The following PLD2 variants were observed in gnomAD, a reference collection of about 807,000 sequenced individuals.
PLD2 encodes choline phosphatase 2.
A neutral mutation model predicts 119.8 loss-of-function variants in PLD2; 101 were observed. The ratio of observed to expected loss-of-function variants is 0.84; its 90% CI spans 0.72 to 0.99. The LOEUF is 0.99. Ranked by LOEUF, PLD2 falls within the 50% of genes least tolerant of loss-of-function variation. The pLI is 0.00. For missense variants in PLD2, 1,164 were observed against 1,226.8 expected (o/e 0.95, Z 0.76); for synonymous variants, 494 against 482.8 (o/e 1.02, Z -0.30).
chr17:4,813,602 G>A (rs955857916), intron 10 of PLD2, among the ~76,000 whole-genome samples: 1 of 152,124 alleles, frequency 6.6e-6, no homozygotes, highest in Admixed American at 6.6e-5. Context: ...GCTCATGCCT[G>A]TAATCCCAGC....
intron 23 of PLD2, among the ~76,000 whole-genome samples, chr17:4,820,861 C>T (rs1907603379): frequency 6.6e-6 from 1 of 150,540 alleles, no homozygotes. Flanking sequence ...CAGGCATGAG[C>T]CACCACGCCC....
At chr17:4,816,020 A>G (rs2150675716) in intron 14 of PLD2, 86 bp downstream of exon 14, 2 of 1,011,356 alleles carry the variant, frequency 2.0e-6, no homozygotes, top group Admixed American at 1.9e-5. Context: ...TTACCCCCTC[A>G]GTCATTCCAG....
rs376928267 is a variant in PLD2, at chr17:4,809,129, A to T, written c.413A>T (p.Asp138Val). The T allele has an allele frequency of 1.9e-6, 3 of 1,613,986 alleles. No individual in the cohort carries two copies. The African/African-American group carries it at 4.0e-5, about 22-fold the overall frequency. Residue 138 changes from aspartate to valine, a missense_variant, in exon 5 of 25, where the codon GAT becomes GTT. Asp to Val is a radical substitution (Grantham distance 152, BLOSUM62 -3). Transcript: ENST00000263088. ...RFAVAYSPARDAGNREMPSLP... is the reference protein window; with the variant it reads ...RFAVAYSPARVAGNREMPSLP... ...GCCGTTGCCTATTCTCCAGCCCGAG[A>T]TGCAGGCAACAGAGAGATGCCCTCT...
At position 4,822,899 on chromosome 17, in the gene PLD2, T is replaced by C. The variant is rs749832128; in HGVS notation, c.*35T>C. ...CCGTCAGGGAGAGGTCACCAGCTGC[T>C]GTGCCCCACCACGTCTGGCTCCCTG... On this transcript the variant is annotated 3_prime_UTR_variant, in exon 25 of 25. Coordinates refer to ENST00000263088, the MANE Select transcript of PLD2 (RefSeq NM_002663.5). 4 of 1,223,142 alleles carry C rather than the reference T, an allele frequency of 3.3e-6. No individual in the cohort carries two copies. The highest frequency in any genetic ancestry group is 1.8e-5 in the Admixed American group (1 of 56,072). 75.8% of individuals were successfully genotyped at this position (1,223,142 alleles called of 1,614,324 possible). A position where few individuals can be genotyped will look rare whatever the true frequency, so the allele number is the denominator to read the frequency against.
chr17:4,823,002 T>C lies in PLD2; in HGVS notation c.*138T>C, dbSNP rs1907837642. On this transcript the variant is annotated 3_prime_UTR_variant, in exon 25 of 25. Coordinates refer to ENST00000263088, the MANE Select transcript of PLD2 (RefSeq NM_002663.5). ...GCATTCCTGAAGGGAACTAGAGGTG[T>C]TACAGAGGACCCTTACGTGAGAAAT... 1.7e-6 allele frequency: 1 copy of C among 601,536 alleles called. No individual in the cohort carries two copies. The highest frequency in any genetic ancestry group is 3.0e-6 in the Non-Finnish European group (1 of 337,838). The allele number at this position is 601,536 out of a possible 1,614,324, so 37.3% of individuals were successfully genotyped here.
Position 4,818,008 on chromosome 17 carries a change from C to A in PLD2, c.1822C>A (p.Arg608=). Residue 608 remains arginine (R), a synonymous_variant, in exon 18 of 25, where the codon CGA becomes AGA. Transcript: ENST00000263088. ...GGQCTTVQVL[R]SVDRWSAGTL... Reference sequence around the variant, plus strand: ...CGCATTCACCATTCCCTAGGTCTTGCGATCAGTGGACCGCTGGTCAGCAGG... The same window carrying A: ...CGCATTCACCATTCCCTAGGTCTTGAGATCAGTGGACCGCTGGTCAGCAGG... 1.2e-6 allele frequency: 2 copies of A among 1,609,534 alleles called. No homozygotes were observed. The highest frequency in any genetic ancestry group is 1.7e-6 in the Non-Finnish European group (2 of 1,175,816).
chr17:4,810,898 GCTGCACCGGCATGACAGCTACGCC>G lies in PLD2; in HGVS notation c.959_982del (p.Leu320_Ala327del). ...AGGGCCCAGGCAGAGACTTCCTACA[GCTGCACCGGCATGACAGCTACGCC>G]CCACCCCGGCCTGGGACCTTGGCCC... On this transcript the variant is annotated inframe_deletion, in exon 10 of 25. Transcript: ENST00000263088. 6.2e-7 allele frequency: 1 copy of G among 1,613,798 alleles called. No homozygotes were observed. Among genetic ancestry groups the G allele is most frequent in the Non-Finnish European group, 8.5e-7 (1 of 1,179,958 alleles).
Position 4,819,359 on chromosome 17 carries a change from G to A in PLD2, c.2309-70G>A. 1 of 1,605,766 alleles carries A rather than the reference G, an allele frequency of 6.2e-7. No homozygotes were observed. The stretch of plus-strand genomic sequence containing the variant: ...AGGAATGTTGCAGGCCAGTGCTTTG[G>A]TAGAGGGGATGGGGTACTGGGGAGA... On this transcript the variant is annotated intron_variant, in intron 22 of 24. Transcript: ENST00000263088. The surrounding 1 kb of genome is among the most constrained non-coding windows in gnomAD (Gnocchi z 4.2).
rs757264558 is a variant in PLD2 at position 4,810,905 on chromosome 17, C to A, written c.964C>A (p.Arg322=). Residue 322 remains arginine (R), a synonymous_variant, in exon 10 of 25, where the codon CGG becomes AGG. Transcript: ENST00000263088. Reference sequence around the variant, plus strand: ...AGGCAGAGACTTCCTACAGCTGCACCGGCATGACAGCTACGCCCCACCCCG... The same window carrying A: ...AGGCAGAGACTTCCTACAGCTGCACAGGCATGACAGCTACGCCCCACCCCG... ...GPGRDFLQLH[R]HDSYAPPRPG... is the part of the protein sequence containing the mutation. The A allele has an allele frequency of 1.2e-6, 2 of 1,613,598 alleles. No homozygotes were observed. Among genetic ancestry groups the A allele is most frequent in the Admixed American group, 3.3e-5 (2 of 59,988 alleles).
Position 4,819,680 on chromosome 17 carries a change from C to T in PLD2, c.2462+98C>T. The T allele has an allele frequency of 8.4e-7, 1 of 1,184,962 alleles. No individual in the cohort carries two copies. Among genetic ancestry groups the T allele is most frequent in the Non-Finnish European group, 1.2e-6 (1 of 848,396 alleles). The allele number at this position is 1,184,962 out of a possible 1,614,324, so 73.4% of individuals were successfully genotyped here. On this transcript the variant is annotated intron_variant, in intron 23 of 24. Transcript: ENST00000263088. The surrounding 1 kb of genome is among the most constrained non-coding windows in gnomAD (Gnocchi z 4.2). ...AGCACCGCATAGGTACTCCCGGAGC[C>T]AGAGGTAGAGGCAGTACTAGATTCT...
Position 4,808,340 on chromosome 17 carries a change from A to C in PLD2, c.307A>C (p.Lys103Gln). ...CGACTTTTCCTGGACAACCAAGAAG[A>C]AATACCGTCATTTTCAGGAGCTGCA... ...HGDFSWTTKK[K>Q]YRHFQELHRD... Residue 103 changes from lysine to glutamine, a missense_variant, in exon 4 of 25, where the codon AAA (lysine) becomes CAA (glutamine). Physicochemically the swap from Lys to Gln is moderately conservative, Grantham distance 53. Coordinates refer to ENST00000263088, the MANE Select transcript of PLD2 (RefSeq NM_002663.5). The surrounding 1 kb of genome is among the most constrained non-coding windows in gnomAD (Gnocchi z 4.1). 8.7e-6 allele frequency: 14 copies of C among 1,613,976 alleles called. No individual in the cohort carries two copies. Among genetic ancestry groups the C allele is most frequent in the Non-Finnish European group, 1.2e-5 (14 of 1,179,940 alleles).
intron 24 of PLD2, 130 bp from the exon 25 acceptor site, chr17:4,822,510 G>C: frequency 1.7e-6 from 1 of 603,096 alleles, no homozygotes; most frequent in South Asian, 2.1e-5. Flanking sequence ...AAAAGAGAGA[G>C]AGAGTTAGTG....
Position 4,816,652 on chromosome 17 carries a change from C to T in PLD2, c.1488C>T (p.Thr496=), listed in dbSNP as rs201957862. The T allele has an allele frequency of 3.8e-5, 61 of 1,613,984 alleles. No homozygotes were observed. Among genetic ancestry groups the T allele is most frequent in the Admixed American group, 2.2e-4 (13 of 59,972 alleles). ...PPTPRPDSPA[T]PDLSHNQFFW... is the part of the protein sequence containing the mutation. ...CCCCGCGCCCAGACTCACCAGCCACCCCAGACCTCTCTCACAACCAATTCT... is the reference window on the plus strand; with the variant it reads ...CCCCGCGCCCAGACTCACCAGCCACTCCAGACCTCTCTCACAACCAATTCT... Residue 496 remains threonine, a synonymous_variant, in exon 15 of 25, where the codon ACC becomes ACT. Transcript: ENST00000263088.
chr17:4,809,017 C>T, intron 4 of PLD2, 83 bp from the exon 5 acceptor site: 1 of 1,097,736 alleles, frequency 9.1e-7, no homozygotes, highest in Non-Finnish European at 1.4e-6. Context: ...TTCTTTTCCT[C>T]CGAGCCCCAT....
Position 4,818,295 on chromosome 17 carries a change from A to G in PLD2, c.1921-2A>G. 6.2e-7 allele frequency: 1 copy of G among 1,612,816 alleles called. No homozygotes were observed. The highest frequency in any genetic ancestry group is 8.5e-7 in the Non-Finnish European group (1 of 1,178,858). On this transcript the variant is annotated splice_acceptor_variant, in intron 18 of 24. Transcript: ENST00000263088. LOFTEE classifies it high-confidence loss of function. ...GATGTCTGTCTCTGATTCTTGCCCCAGAATCAGTTCTTCATTAGCTGCTCA... is the reference window on the plus strand; with the variant it reads ...GATGTCTGTCTCTGATTCTTGCCCCGGAATCAGTTCTTCATTAGCTGCTCA...
In PLD2 at chr17:4,815,593, C is replaced by G; in HGVS notation, c.1284+7C>G. The G allele has an allele frequency of 3.7e-6, 6 of 1,608,432 alleles. No individual in the cohort carries two copies. Among genetic ancestry groups the G allele is most frequent in the African/African-American group, 1.3e-5 (1 of 74,892 alleles). Reference sequence around the variant, plus strand: ...GCTGCACCCCAACATAAAGGTGACTCTCGGCCTCAGAGACCCTCCCACATG... The same window carrying G: ...GCTGCACCCCAACATAAAGGTGACTGTCGGCCTCAGAGACCCTCCCACATG... On this transcript the variant is annotated splice_region_variant and intron_variant, in intron 13 of 24. Coordinates refer to ENST00000263088, the MANE Select transcript of PLD2 (RefSeq NM_002663.5).
intron 14 of PLD2, 32 bp downstream of exon 14, chr17:4,815,966 C>T: frequency 6.7e-7 from 1 of 1,481,544 alleles, no homozygotes; most frequent in Admixed American, 1.7e-5. Context: ...TGAGCACCCC[C>T]AAACTCAGAT....
rs761911354 is a variant in PLD2 at position 4,814,710 on chromosome 17, C to T, written c.1172C>T (p.Ala391Val). Reference protein sequence around the residue: ...WRLDIMLKRKAEEGVRVSILL... With the variant: ...WRLDIMLKRKVEEGVRVSILL... ...CTGGACATTATGCTCAAGAGGAAGG[C>T]GGTGAGGAGAGTGGTCAGGCCGCAG... The change falls in exon 12 of 25, where the codon GCG becomes GTG. Residue 391 changes from alanine to valine, a missense_variant and splice_region_variant. Ala to Val is a moderately conservative substitution (Grantham distance 64). Transcript: ENST00000263088. 35 of 1,613,502 alleles carry T rather than the reference C, an allele frequency of 2.2e-5. No homozygotes were observed. The highest frequency in any genetic ancestry group is 3.3e-5 in the South Asian group (3 of 91,058).
chr17:4,814,340 G>T (rs73973638), intron 10 of PLD2, 78 bp from the exon 11 acceptor site: 1 of 1,542,288 alleles, frequency 6.5e-7, no homozygotes, highest in South Asian at 1.2e-5. Flanking sequence ...TCTGACCCAC[G>T]ACTGTCCTCC....
Sources: allele counts gnomAD v4.1 joint callset (sites outside exome capture counted in the v4.1 genomes callset), GRCh38; gene constraint gnomAD v4.1.1; non-coding constraint Gnocchi (gnomAD v3.1); transcripts MANE v1.5; gene names NCBI Gene and HGNC (gene_info 2026-07-23, HGNC 2026-07-21).